The following SLC25A29 variants were observed in gnomAD, a reference collection of about 807,000 sequenced individuals.
The protein encoded by SLC25A29 is solute carrier family 25 member 29.
In SLC25A29, 13 loss-of-function variants were observed where a neutral mutation model predicts 10.0. That is an observed-to-expected ratio of 1.30 (90% CI 0.85 to 2.07). The LOEUF is 2.07. Ranked by LOEUF, SLC25A29 falls within the 30% of genes most tolerant of loss-of-function variation. The pLI is 0.00. For synonymous variants in SLC25A29, 244 were observed against 221.1 expected, an observed-to-expected ratio of 1.10 and a Z score of -0.92; for missense variants, 475 against 447.6, an observed-to-expected ratio of 1.06 and a Z score of -0.55.
intron 1 of SLC25A29, among the ~76,000 whole-genome samples, chr14:100,300,900 A>G (rs1566807623): frequency 6.6e-6 from 1 of 151,072 alleles, no homozygotes; most frequent in African/African-American, 2.4e-5. Context: ...CCTTTCTTTT[A>G]TTTATTTTTT....
intron 2 of SLC25A29, chr14:100,295,543 A>C: frequency 8.0e-7 from 1 of 1,250,502 alleles, no homozygotes; most frequent in Non-Finnish European, 1.0e-6. Context: ...GTCCCCTGCT[A>C]CGGAGGGAAC....
In SLC25A29 at chr14:100,292,386, G is replaced by A. The variant is rs1332493493; in HGVS notation, c.809C>T (p.Thr270Met). ...PVNAATFATV[T>M]VVLTYARGEE... The stretch of plus-strand genomic sequence containing the variant: ...GCCGCGCGCGTAGGTGAGCACCACC[G>A]TGACGGTGGCGAAGGTGGCAGCGTT... Residue 270 changes from threonine (T) to methionine (M), a missense_variant, in exon 4 of 4, where the codon ACG becomes ATG. Physicochemically the swap from Thr to Met is moderately conservative, Grantham distance 81. Coordinates refer to ENST00000359232, the MANE Select transcript of SLC25A29 (RefSeq NM_001039355.3). The A allele has an allele frequency of 2.6e-6, 4 of 1,562,766 alleles. No homozygotes were observed. Among genetic ancestry groups the A allele is most frequent in the South Asian group, 1.2e-5 (1 of 85,452 alleles).
chr14:100,283,921 A>T, the SLC25A29 span, among the ~76,000 whole-genome samples: 106 of 148,480 alleles, frequency 7.1e-4, no homozygotes, highest in African/African-American at 2.4e-3. Context: ...TCTTGCTATC[A>T]CCTAGGCCGG....
the SLC25A29 span, chr14:100,280,430 T>C: frequency 6.6e-6 from 1 of 152,192 alleles, no homozygotes; most frequent in Non-Finnish European, 1.5e-5. Flanking sequence ...AATTTCTTAT[T>C]ATTTCCCCCT....
chr14:100,292,702 A>C lies in SLC25A29; in HGVS notation c.493T>G (p.Phe165Val). 6.2e-7 allele frequency: 1 copy of C among 1,603,330 alleles called. No individual in the cohort carries two copies. The highest frequency in any genetic ancestry group is 2.3e-5 in the East Asian group (1 of 44,414). Residue 165 changes from phenylalanine (F) to valine (V), a missense_variant, in exon 4 of 4, where the codon TTC becomes GTC. Physicochemically the swap from Phe to Val is conservative, Grantham distance 50. Coordinates refer to ENST00000359232, the MANE Select transcript of SLC25A29 (RefSeq NM_001039355.3). The part of the protein sequence containing the change: ...VSTLLRETPS[F>V]GVYFLTYDAL... Reference sequence around the variant, plus strand: ...TCATAGGTGAGGAAGTAGACGCCGAAGCTGGGCGTCTCACGCAGCAACGTG... The same window carrying C: ...TCATAGGTGAGGAAGTAGACGCCGACGCTGGGCGTCTCACGCAGCAACGTG...
At chr14:100,306,078 C>A in intron 1 of SLC25A29, 121 bp downstream of exon 1, 1 of 656,362 alleles carries the variant, frequency 1.5e-6, no homozygotes, top group Non-Finnish European at 2.3e-6. Flanking sequence ...GAACTGTGGT[C>A]CCCATTCACA....
chr14:100,283,573 C>T, the SLC25A29 span, among the ~76,000 whole-genome samples: 190 of 150,556 alleles, frequency 1.3e-3, 1 homozygote, highest in African/African-American at 4.3e-3. Context: ...GCAACCTCTG[C>T]CTCCCGGGTT....
chr14:100,303,661 C>T (rs912344067), intron 1 of SLC25A29, among the ~76,000 whole-genome samples: 22 of 152,190 alleles, frequency 1.4e-4, no homozygotes, highest in African/African-American at 5.1e-4. Flanking sequence ...CCTTTCTGAG[C>T]GCACGAGGAG....
At position 100,306,314 on chromosome 14, in the gene SLC25A29, C is replaced by A; in HGVS notation, c.-82G>T. 1 of 1,277,982 alleles carries A rather than the reference C, an allele frequency of 7.8e-7. No individual in the cohort carries two copies. Among genetic ancestry groups the A allele is most frequent in the South Asian group, 2.4e-5 (1 of 41,020 alleles). The allele number at this position is 1,277,982 out of a possible 1,614,324, so 79.2% of individuals were successfully genotyped here. On this transcript the variant is annotated 5_prime_UTR_variant, in exon 1 of 4. Transcript: ENST00000359232. ...CCGGGCTGGGCGCCGTCGGGGTCCC[C>A]GAGCGCGCGGTGCCGGGGCTGGGCC...
In SLC25A29 at chr14:100,292,594, T is replaced by C. The variant is rs1006824340; in HGVS notation, c.601A>G (p.Ile201Val). 1 of 1,604,068 alleles carries C rather than the reference T, an allele frequency of 6.2e-7. No individual in the cohort carries two copies. The highest frequency in any genetic ancestry group is 8.5e-7 in the Non-Finnish European group (1 of 1,176,296). ...KLLLAGGTSG[I>V]VSWLSTYPVD... ...GGATAGGTAGAGAGCCAGGACACGA[T>C]GCCTGACGTACCGCCCGCCAACAGC... Residue 201 changes from isoleucine to valine, a missense_variant, in exon 4 of 4, where the codon ATC (isoleucine) becomes GTC (valine). Coordinates refer to ENST00000359232, the MANE Select transcript of SLC25A29 (RefSeq NM_001039355.3).
rs750174884 is a variant in SLC25A29, at chr14:100,292,456, A to G, written c.739T>C (p.Phe247Leu). 1 of 1,579,160 alleles carries G rather than the reference A, an allele frequency of 6.3e-7. No homozygotes were observed. The highest frequency in any genetic ancestry group is 8.6e-7 in the Non-Finnish European group (1 of 1,164,554). ...AGCGTGGACGCCAGCCCCCGTGTGA[A>G]GACGCGCCAGCCCTCGGCGCGGTAG... is the stretch of plus-strand genomic sequence containing the variant. ...QSYRAEGWRVFTRGLASTLLR... is the reference protein window; with the variant it reads ...QSYRAEGWRVLTRGLASTLLR... Residue 247 changes from phenylalanine to leucine, a missense_variant, in exon 4 of 4, where the codon TTC (phenylalanine) becomes CTC (leucine). By Grantham distance (22) the Phe-to-Leu change is conservative. Coordinates refer to ENST00000359232, the MANE Select transcript of SLC25A29 (RefSeq NM_001039355.3).
chr14:100,279,320 T>G, the SLC25A29 span: 2 of 152,234 alleles, frequency 1.3e-5, no homozygotes, highest in African/African-American at 4.8e-5. Context: ...AGGGACCCCA[T>G]CAGGTGAAAC....
the SLC25A29 span, among the ~76,000 whole-genome samples, chr14:100,284,942 G>C: frequency 1.3e-5 from 2 of 151,988 alleles, no homozygotes; most frequent in African/African-American, 4.8e-5. Context: ...GGGAGGCTGA[G>C]GCAGGAGAAT....
At chr14:100,290,037 CCTGT>C (rs1262979256), downstream of SLC25A29, among the ~76,000 whole-genome samples, 1 of 152,206 alleles carries the variant, frequency 6.6e-6, no homozygotes, top group East Asian at 1.9e-4. Context: ...GAAGGGCTGG[CCTGT>C]CTGTGTGCTG....
At chr14:100,284,691 T>C in the SLC25A29 span, among the ~76,000 whole-genome samples, 61 of 152,194 alleles carry the variant, frequency 4.0e-4, no homozygotes, top group African/African-American at 1.4e-3. Context: ...AGGAATGGCA[T>C]TGCCCTACTG....
chr14:100,296,791 AG>A (rs1892188055), intron 2 of SLC25A29, among the ~76,000 whole-genome samples: 1 of 151,992 alleles, frequency 6.6e-6, no homozygotes, highest in Non-Finnish European at 1.5e-5. Flanking sequence ...GTAGAGACAG[AG>A]TTTCACCGTG....
chr14:100,292,646 C>T lies in SLC25A29; in HGVS notation c.549G>A (p.Pro183=), dbSNP rs199667605. 4.4e-6 allele frequency: 7 copies of T among 1,595,236 alleles called. No individual in the cohort carries two copies. The East Asian group carries it at 9.1e-5, about 21-fold the overall frequency. ...DALTRALGCE[P]GDRLLVPKLL... is the part of the protein sequence containing the mutation. ...GCTTGGGCACCAGCAGGCGGTCGCC[C>T]GGCTCGCAGCCCAGCGCCCGCGTGA... Residue 183 remains proline (P), a synonymous_variant, in exon 4 of 4, where the codon CCG becomes CCA. Transcript: ENST00000359232.
chr14:100,283,146 G>A, the SLC25A29 span, among the ~76,000 whole-genome samples: 260 of 152,320 alleles, frequency 1.7e-3, no homozygotes, highest in South Asian at 7.5e-3. Flanking sequence ...GGATGGACTC[G>A]GAAGAACTTG....
rs1467321244 is a variant in SLC25A29 at position 100,291,988 on chromosome 14, C to G, written c.*295G>C. ...GGGCTGGAGTGTCTGCCTCAGTTTCCAGGATAACGGTGCAATGGCCTCAGC... is the reference window on the plus strand; with the variant it reads ...GGGCTGGAGTGTCTGCCTCAGTTTCGAGGATAACGGTGCAATGGCCTCAGC... On this transcript the variant is annotated 3_prime_UTR_variant, in exon 4 of 4. Coordinates refer to ENST00000359232, the MANE Select transcript of SLC25A29 (RefSeq NM_001039355.3). The G allele has an allele frequency of 2.3e-6, 1 of 435,586 alleles. No individual in the cohort carries two copies. The highest frequency in any genetic ancestry group is 4.1e-6 in the Non-Finnish European group (1 of 241,502). The allele number at this position is 435,586 out of a possible 1,614,324, so 27.0% of individuals were successfully genotyped here.
Sources: gnomAD v4.1 joint callset for allele counts (sites outside exome capture counted in the v4.1 genomes callset) on GRCh38, gnomAD v4.1.1 for gene constraint, MANE v1.5 for transcripts, NCBI Gene and HGNC (gene_info 2026-07-23, HGNC 2026-07-21) for gene names.